The following DDX47 variants were observed in gnomAD, a reference collection of about 807,000 sequenced individuals.
DDX47 encodes probable ATP-dependent RNA helicase DDX47.
A neutral mutation model predicts 58.8 loss-of-function variants in DDX47; 60 were observed. That is an observed-to-expected ratio of 1.02 (90% CI 0.83 to 1.26). DDX47 has a LOEUF of 1.26. DDX47 is among the 50% of genes most tolerant of loss of function. The pLI is 0.00. For missense variants in DDX47, 530 were observed against 573.2 expected (o/e 0.92, Z 0.77); for synonymous variants, 197 against 204.6 (o/e 0.96, Z 0.32).
chr12:12,821,665 A>G lies in DDX47; in HGVS notation c.381A>G (p.Val127=). Residue 127 remains valine (V), a synonymous_variant, in exon 4 of 12, where the codon GTA becomes GTG. Coordinates refer to ENST00000358007, the MANE Select transcript of DDX47 (RefSeq NM_016355.4). ...TTTTTTTCTCTGTAGCTGTGATTGTAGGTGGAATTGATTCAATGTCTCAAT... is the reference window on the plus strand; with the variant it reads ...TTTTTTTCTCTGTAGCTGTGATTGTGGGTGGAATTGATTCAATGTCTCAAT... The part of the protein sequence containing the change: ...SSIGVQSAVI[V]GGIDSMSQSL... The G allele has an allele frequency of 6.8e-6, 11 of 1,613,934 alleles. No homozygotes were observed. Among genetic ancestry groups the G allele is most frequent in the Non-Finnish European group, 9.3e-6 (11 of 1,179,852 alleles).
At chr12:12,816,445 T>C (rs1480745466) in intron 2 of DDX47, among the ~76,000 whole-genome samples, 1 of 152,184 alleles carries the variant, frequency 6.6e-6, no homozygotes, top group African/African-American at 2.4e-5. Flanking sequence ...ATCTAAACTT[T>C]GCATTGTATA....
intron 9 of DDX47, among the ~76,000 whole-genome samples, chr12:12,825,498 A>T (rs1376592717): frequency 6.6e-6 from 1 of 152,130 alleles, no homozygotes; most frequent in African/African-American, 2.4e-5. Flanking sequence ...TCACCCCTGG[A>T]TGAGAACTGT....
rs749245704 is a variant in DDX47, at chr12:12,824,029, C to T, written c.897+13C>T. Reference sequence around the variant, plus strand: ...ACAAATGAGTCAGGTAAGGATTCATCATCATCATCAGCCATGCACTGGTGG... The same window carrying T: ...ACAAATGAGTCAGGTAAGGATTCATTATCATCATCAGCCATGCACTGGTGG... On this transcript the variant is annotated intron_variant, in intron 8 of 11. Coordinates refer to ENST00000358007, the MANE Select transcript of DDX47 (RefSeq NM_016355.4). 17 of 1,611,774 alleles carry T rather than the reference C, an allele frequency of 1.1e-5. No individual in the cohort carries two copies. The South Asian group carries it at 1.8e-4, about 17-fold the overall frequency.
chr12:12,818,531 A>AC (rs1862928663), intron 2 of DDX47, among the ~76,000 whole-genome samples: 1 of 152,106 alleles, frequency 6.6e-6, no homozygotes, highest in African/African-American at 2.4e-5. Flanking sequence ...AAAAAAAAAA[A>AC]AATCAGTCCC....
At chr12:12,821,123 C>G in intron 2 of DDX47, 85 bp from the exon 3 acceptor site, 1 of 1,392,174 alleles carries the variant, frequency 7.2e-7, no homozygotes, top group Non-Finnish European at 1.0e-6. Context: ...TAAGCGTCTA[C>G]TTTGTGCCCA....
At chr12:12,826,804 C>G (rs1299302966) in intron 10 of DDX47, among the ~76,000 whole-genome samples, 1 of 151,682 alleles carries the variant, frequency 6.6e-6, no homozygotes, top group Non-Finnish European at 1.5e-5. Flanking sequence ...GTTGACCAGG[C>G]TGGAGTGCAG....
intron 5 of DDX47, 68 bp from the exon 6 acceptor site, chr12:12,822,593 T>C: frequency 7.6e-7 from 1 of 1,320,616 alleles, no homozygotes; most frequent in Non-Finnish European, 1.1e-6. Flanking sequence ...CCTCCTTCAC[T>C]ACCTAGAGGA....
At chr12:12,828,282 T>G (rs192010368) in intron 11 of DDX47, among the ~76,000 whole-genome samples, 86 of 152,268 alleles carry the variant, frequency 5.6e-4, no homozygotes, top group Middle Eastern at 6.8e-3. Context: ...ATTAAAAATA[T>G]GATGTAAAAT....
Position 12,821,357 on chromosome 12 carries a change from C to T in DDX47, c.331C>T (p.Gln111Ter). 1 of 1,614,170 alleles carries T rather than the reference C, an allele frequency of 6.2e-7. No individual in the cohort carries two copies. The highest frequency in any genetic ancestry group is 8.5e-7 in the Non-Finnish European group (1 of 1,180,034). Residue 111 changes from glutamine to a stop codon, truncating the protein, a stop_gained, in exon 3 of 12, where the codon CAG becomes TAG. Transcript: ENST00000358007. LOFTEE classifies it high-confidence loss of function. ...TRELAFQISE[Q>*]FEALGSSIGV... ...GGAGCTGGCCTTTCAGATCTCAGAG[C>T]AGTTTGAAGCCCTGGGGTCCTCTAT...
chr12:12,821,941 T>C (rs371547419), intron 4 of DDX47, 24 bp from the exon 5 acceptor site: 42 of 1,502,598 alleles, frequency 2.8e-5, no homozygotes, highest in Non-Finnish European at 3.4e-5. Context: ...AATGTCACTG[T>C]TTCTCCTCAA....
intron 9 of DDX47, among the ~76,000 whole-genome samples, chr12:12,825,379 A>G (rs1239760925): frequency 6.6e-6 from 1 of 152,150 alleles, no homozygotes; most frequent in Non-Finnish European, 1.5e-5. Flanking sequence ...AAGGATTCCT[A>G]GTAGCATTCC....
intron 10 of DDX47, among the ~76,000 whole-genome samples, chr12:12,826,893 GATTA>G (rs1863059508): frequency 2.0e-5 from 3 of 152,060 alleles, no homozygotes; most frequent in Admixed American, 1.3e-4. Flanking sequence ...GAATGGCTGG[GATTA>G]CAGGCACATG....
chr12:12,823,855 G>T lies in DDX47; in HGVS notation c.751-15G>T, dbSNP rs747855557. 22 of 1,611,462 alleles carry T rather than the reference G, an allele frequency of 1.4e-5. No homozygotes were observed. In the East Asian group the frequency reaches 4.5e-4, roughly 33 times the overall value. ...CAGGTTCAATGACATATATTGTTTT[G>T]GGTTTGTAACTTAGGATACCTACCT... On this transcript the variant is annotated splice_polypyrimidine_tract_variant and intron_variant, in intron 7 of 11. Coordinates refer to ENST00000358007, the MANE Select transcript of DDX47 (RefSeq NM_016355.4).
rs1565449305 is a variant in DDX47, at chr12:12,829,474, GATA to G, written c.1291_1293del (p.Asn431del). ...GAAACGCTCGCGAGAGGATGCTGGA[GATA>G]ATGATGACACAGAGGGTGCTATTGG... is the stretch of plus-strand genomic sequence containing the variant. On this transcript the variant is annotated inframe_deletion, in exon 12 of 12. Transcript: ENST00000358007. 1.2e-6 allele frequency: 2 copies of G among 1,613,830 alleles called. No homozygotes were observed. The highest frequency in any genetic ancestry group is 1.7e-6 in the Non-Finnish European group (2 of 1,179,926).
Position 12,822,032 on chromosome 12 carries a change from C to T in DDX47, c.510C>T (p.Tyr170=), listed in dbSNP as rs1249295426. ...GTTTCAACTTGAGAGCTCTCAAATACTTGGTCATGGATGAAGCCGACCGAA... is the reference window on the plus strand; with the variant it reads ...GTTTCAACTTGAGAGCTCTCAAATATTTGGTCATGGATGAAGCCGACCGAA... ...TKGFNLRALK[Y]LVMDEADRIL... Residue 170 remains tyrosine (Y), a synonymous_variant, in exon 5 of 12, where the codon TAC becomes TAT. Transcript: ENST00000358007. The T allele has an allele frequency of 1.2e-6, 2 of 1,613,836 alleles. No homozygotes were observed. The highest frequency in any genetic ancestry group is 1.7e-6 in the Non-Finnish European group (2 of 1,179,960).
intron 5 of DDX47, 110 bp downstream of exon 5, chr12:12,822,193 A>T: frequency 1.5e-6 from 1 of 673,558 alleles, no homozygotes; most frequent in Non-Finnish European, 2.6e-6. Context: ...TATCAGTTTC[A>T]TTCTTGATAT....
At chr12:12,823,642 G>T (rs529938930) in intron 7 of DDX47, 10 of 569,124 alleles carry the variant, frequency 1.8e-5, no homozygotes, top group Non-Finnish European at 3.1e-5. Context: ...TTGATATAAG[G>T]ACTTCTCCTG....
intron 8 of DDX47, 27 bp from the exon 9 acceptor site, chr12:12,824,513 T>G: frequency 6.3e-7 from 1 of 1,594,292 alleles, no homozygotes; most frequent in Non-Finnish European, 8.5e-7. Flanking sequence ...GGTTAAGTTT[T>G]CCAACATTTC....
rs370055269 is a variant in DDX47 at position 12,824,596 on chromosome 12, A to G, written c.954A>G (p.Leu318=). ...AGGCCAAGGCCCGTTCCATTCTTCT[A>G]GCAACTGACGTTGCCAGCCGAGGTT... The part of the protein sequence containing the change: ...KFKAKARSIL[L]ATDVASRGLD... The change falls in exon 9 of 12, where the codon CTA becomes CTG. Residue 318 remains leucine (L), a synonymous_variant. Coordinates refer to ENST00000358007, the MANE Select transcript of DDX47 (RefSeq NM_016355.4). The G allele has an allele frequency of 6.2e-6, 10 of 1,614,136 alleles. No homozygotes were observed. The highest frequency in any genetic ancestry group is 7.6e-6 in the Non-Finnish European group (9 of 1,179,976).
Sources: gnomAD v4.1 joint callset for allele counts (sites outside exome capture counted in the v4.1 genomes callset) on GRCh38, gnomAD v4.1.1 for gene constraint, MANE v1.5 for transcripts, NCBI Gene and HGNC (gene_info 2026-07-23, HGNC 2026-07-21) for gene names.